The following TLK2 variants were observed in gnomAD, a reference collection of about 807,000 sequenced individuals.
TLK2 encodes the protein tousled like kinase 2.
Under a neutral mutation model 117.3 loss-of-function variants are expected in TLK2, and 6 were observed. That is an observed-to-expected ratio of 0.05 (90% CI 0.03 to 0.10). The LOEUF (loss-of-function observed/expected upper bound fraction) is 0.10, where lower values mean the gene tolerates loss of function less well. TLK2 is among the 10% of genes least tolerant of loss of function. The pLI is 1.00. For missense variants in TLK2, 299 were observed against 901.2 expected (o/e 0.33, Z 8.56); for synonymous variants, 257 against 316.7 (o/e 0.81, Z 2.00).
At position 62,613,656 on chromosome 17, in the gene TLK2, T is replaced by G. The variant is rs1465891991; in HGVS notation, c.*1091T>G. On this transcript the variant is annotated 3_prime_UTR_variant, in exon 22 of 22. Coordinates refer to ENST00000346027, the MANE Select transcript of TLK2 (RefSeq NM_006852.6). ...TGTTAACCACGTTATTAAAACTTGATCAGCACATAAGCTTTCTTCTGTTAG... is the reference window on the plus strand; with the variant it reads ...TGTTAACCACGTTATTAAAACTTGAGCAGCACATAAGCTTTCTTCTGTTAG... The G allele has an allele frequency of 6.6e-6, 1 of 152,196 alleles. No homozygotes were observed. Among genetic ancestry groups the G allele is most frequent in the Admixed American group, 6.5e-5 (1 of 15,272 alleles). 9.4% of individuals were successfully genotyped at this position (152,196 alleles called of 1,614,324 possible).
chr17:62,507,681 T>C (rs1392182875), intron 2 of TLK2, among the ~76,000 whole-genome samples: 2 of 152,210 alleles, frequency 1.3e-5, no homozygotes, highest in Non-Finnish European at 2.9e-5. Flanking sequence ...ATTTAAACTT[T>C]TACAGGAGTG....
chr17:62,498,887 C>T (rs893929018), intron 2 of TLK2, among the ~76,000 whole-genome samples: 2 of 151,748 alleles, frequency 1.3e-5, no homozygotes, highest in African/African-American at 2.4e-5. Flanking sequence ...GTTTGAGACA[C>T]AGTCTCTCTC....
At chr17:62,493,924 A>AT (rs2073380030) in intron 2 of TLK2, among the ~76,000 whole-genome samples, 1 of 151,658 alleles carries the variant, frequency 6.6e-6, no homozygotes, top group Admixed American at 6.6e-5. Context: ...TGCCCGGCTA[A>AT]TTTTTGTATT....
chr17:62,567,587 A>G (rs999903359), intron 11 of TLK2, among the ~76,000 whole-genome samples: 27 of 152,224 alleles, frequency 1.8e-4, no homozygotes, highest in Admixed American at 1.1e-3. Context: ...TTCCTTCAGT[A>G]TAGAAATTGA....
Position 62,612,643 on chromosome 17 carries a change from C to G in TLK2, c.*78C>G. ...GTTCAGCAGCGGGTTTGGAACATAG[C>G]GAATCCGAATGGATCTGATGAAACC... On this transcript the variant is annotated 3_prime_UTR_variant, in exon 22 of 22. Transcript: ENST00000346027. The G allele has an allele frequency of 1.4e-6, 2 of 1,390,110 alleles. No homozygotes were observed. Among genetic ancestry groups the G allele is most frequent in the South Asian group, 2.7e-5 (2 of 73,128 alleles). 86.1% of individuals were successfully genotyped at this position (1,390,110 alleles called of 1,614,324 possible).
chr17:62,495,923 C>G (rs1014378741), intron 2 of TLK2, among the ~76,000 whole-genome samples: 1 of 151,848 alleles, frequency 6.6e-6, no homozygotes, highest in Non-Finnish European at 1.5e-5. Context: ...ACCTCTGCCT[C>G]TCAAAGTGCT....
intron 1 of TLK2, among the ~76,000 whole-genome samples, chr17:62,473,446 C>T (rs956005510): frequency 6.6e-6 from 1 of 152,180 alleles, no homozygotes; most frequent in African/African-American, 2.4e-5. Context: ...ACTACATCTA[C>T]AGTAGGGATA....
At chr17:62,551,290 A>G (rs2078437217) in intron 7 of TLK2, among the ~76,000 whole-genome samples, 1 of 152,234 alleles carries the variant, frequency 6.6e-6, no homozygotes, top group African/African-American at 2.4e-5. Flanking sequence ...GAAATGCTGT[A>G]TTCTCTGATG....
At chr17:62,587,115 G>T (rs867844826) in intron 16 of TLK2, among the ~76,000 whole-genome samples, 1 of 151,948 alleles carries the variant, frequency 6.6e-6, no homozygotes, top group African/African-American at 2.4e-5. Flanking sequence ...GGGTAGAGAG[G>T]GGGGGCTTCT....
chr17:62,591,254 GAA>G (rs1046716875), intron 16 of TLK2, among the ~76,000 whole-genome samples: 4 of 151,678 alleles, frequency 2.6e-5, no homozygotes, highest in Admixed American at 6.6e-5. Context: ...CTTAAAAAAA[GAA>G]AAGAGAAAGA....
chr17:62,503,495 G>C (rs1301798838), intron 2 of TLK2, among the ~76,000 whole-genome samples: 2 of 146,314 alleles, frequency 1.4e-5, no homozygotes, highest in African/African-American at 2.5e-5. Flanking sequence ...TCAGCCCACT[G>C]CAACCTCTGC....
chr17:62,488,712 TC>T (rs1428655800), intron 2 of TLK2, among the ~76,000 whole-genome samples: 1 of 152,204 alleles, frequency 6.6e-6, no homozygotes, highest in Non-Finnish European at 1.5e-5. Flanking sequence ...TTGCACTCTT[TC>T]TGTTCTTTTA....
At chr17:62,544,475 G>A (rs538877331) in intron 7 of TLK2, among the ~76,000 whole-genome samples, 1 of 152,100 alleles carries the variant, frequency 6.6e-6, no homozygotes, top group Non-Finnish European at 1.5e-5. Context: ...ATATGCCCTC[G>A]TGATCCAATC....
chr17:62,481,637 T>G (rs1410730450), intron 2 of TLK2, among the ~76,000 whole-genome samples: 2 of 152,218 alleles, frequency 1.3e-5, no homozygotes, highest in African/African-American at 2.4e-5. Context: ...GACTCTTTAC[T>G]GGTTGCACCC....
chr17:62,521,582 C>T (rs2076053675), intron 3 of TLK2, among the ~76,000 whole-genome samples: 2 of 152,008 alleles, frequency 1.3e-5, no homozygotes, highest in Non-Finnish European at 2.9e-5. Flanking sequence ...TTTTTAGAGG[C>T]GGGGCCTTGC....
intron 7 of TLK2, among the ~76,000 whole-genome samples, chr17:62,540,400 A>ATTTT (rs534202077): frequency 0.013 from 254 of 19,956 alleles, 48 homozygotes; most frequent in Admixed American, 0.044. Context: ...TATGTTCAGA[A>ATTTT]TTTTTTTTTT....
At chr17:62,576,533 A>G (rs981143461) in intron 12 of TLK2, among the ~76,000 whole-genome samples, 176 bp from the exon 13 acceptor site, 2 of 152,152 alleles carry the variant, frequency 1.3e-5, no homozygotes, top group African/African-American at 2.4e-5. Context: ...CTCACATCAC[A>G]TCTGGTAAAT....
At chr17:62,563,419 G>A (rs909320310) in intron 10 of TLK2, among the ~76,000 whole-genome samples, 7 of 152,056 alleles carry the variant, frequency 4.6e-5, no homozygotes, top group African/African-American at 1.4e-4. Context: ...CTCCAGCCTG[G>A]GCAACAGAGT....
intron 21 of TLK2, among the ~76,000 whole-genome samples, chr17:62,610,435 T>A (rs560676175): frequency 2.0e-5 from 3 of 152,290 alleles, no homozygotes; most frequent in Middle Eastern, 3.4e-3. Flanking sequence ...ATTCCACTTA[T>A]GAGAAAAACA....
Sources: allele counts gnomAD v4.1 joint callset (sites outside exome capture counted in the v4.1 genomes callset), GRCh38; gene constraint gnomAD v4.1.1; transcripts MANE v1.5; gene names NCBI Gene and HGNC (gene_info 2026-07-23, HGNC 2026-07-21).